EXOC4: variants seen among roughly 807,000 people sequenced by gnomAD.
EXOC4 encodes exocyst complex component 4.
EXOC4 carries 71 observed loss-of-function variants against 107.2 expected under a neutral mutation model. That is an observed-to-expected ratio of 0.66 (90% CI 0.55 to 0.81). EXOC4 has a LOEUF of 0.81. Among genes scored for constraint, EXOC4 ranks in the 30% least tolerant of loss-of-function variants. EXOC4 has a pLI of 0.00. For missense variants in EXOC4, 1,108 were observed against 1,189.6 expected (o/e 0.93, Z 1.01); for synonymous variants, 456 against 441.2 (o/e 1.03, Z -0.42).
In EXOC4 at chr7:133,522,754, AT is replaced by A. The variant is rs1483729835; in HGVS notation, c.1417+42617del. The stretch of plus-strand genomic sequence containing the variant: ...TCCCTCCAGTTGAAGAGCATTTTAA[AT>A]GCACAAAATCTGTCTCAGAAATATC... On this transcript the variant is annotated intron_variant, in intron 9 of 17. Transcript: ENST00000253861. 2.6e-5 allele frequency among the ~76,000 whole-genome samples: 4 copies of A among 152,282 alleles called. No individual in the cohort carries two copies. The East Asian group carries it at 7.7e-4, about 29-fold the overall frequency.
At chr7:133,384,794 T>C (rs575330711) in intron 7 of EXOC4, among the ~76,000 whole-genome samples, 3 of 150,580 alleles carry the variant, frequency 2.0e-5, no homozygotes, top group South Asian at 2.1e-4. Flanking sequence ...TCCTTGAGTA[T>C]AGCGATAGTT....
chr7:133,609,787 T>C (rs1187052817), intron 9 of EXOC4, among the ~76,000 whole-genome samples: 2 of 152,220 alleles, frequency 1.3e-5, no homozygotes, highest in East Asian at 1.9e-4. Context: ...CCACTGAACA[T>C]TCTGCTTTCA....
chr7:133,522,494 T>G (rs539098722), intron 9 of EXOC4, among the ~76,000 whole-genome samples: 20 of 152,272 alleles, frequency 1.3e-4, no homozygotes, highest in African/African-American at 4.8e-4. Flanking sequence ...CTTCCTCTTC[T>G]GAATAACAAA....
intron 17 of EXOC4, among the ~76,000 whole-genome samples, chr7:134,045,578 C>T (rs1002782293): frequency 6.6e-6 from 1 of 152,146 alleles, no homozygotes. Context: ...AGTCAGGGTT[C>T]CAGTTTATAG....
intron 10 of EXOC4, among the ~76,000 whole-genome samples, chr7:133,781,839 CTTATCT>C (rs892611143): frequency 1.3e-5 from 2 of 152,194 alleles, no homozygotes; most frequent in African/African-American, 4.8e-5. Flanking sequence ...AGTTGTCTAA[CTTATCT>C]TTAGTTTCAC....
At chr7:133,581,291 G>A (rs555259366) in intron 9 of EXOC4, among the ~76,000 whole-genome samples, 3 of 152,312 alleles carry the variant, frequency 2.0e-5, no homozygotes, top group African/African-American at 4.8e-5. Flanking sequence ...GTTAGGAACA[G>A]CACTTGTTTT....
rs1471324754 is a variant in EXOC4 at position 133,782,622 on chromosome 7, A to G, written c.1515-34703A>G. 3.9e-5 allele frequency among the ~76,000 whole-genome samples: 6 copies of G among 152,304 alleles called. 1 individual carries two copies. In the South Asian group the frequency reaches 8.3e-4, roughly 21 times the overall value. Reference sequence around the variant, plus strand: ...AGCCTTCTTCACATTCATTCATAGTAGGAGTGGAGCCTGGAGCAAATCACA... The same window carrying G: ...AGCCTTCTTCACATTCATTCATAGTGGGAGTGGAGCCTGGAGCAAATCACA... On this transcript the variant is annotated intron_variant, in intron 10 of 17. Transcript: ENST00000253861.
At chr7:133,613,495 C>T (rs368673619) in intron 9 of EXOC4, among the ~76,000 whole-genome samples, 1 of 151,920 alleles carries the variant, frequency 6.6e-6, no homozygotes, top group African/African-American at 2.4e-5. Flanking sequence ...TATTTTCCAT[C>T]GTGTTTAGTG....
chr7:133,632,185 A>C (rs573107668), intron 10 of EXOC4, among the ~76,000 whole-genome samples: 11 of 152,156 alleles, frequency 7.2e-5, no homozygotes, highest in Non-Finnish European at 1.5e-4. Flanking sequence ...CTACTTGTTA[A>C]GTCTTTATAA....
chr7:133,463,380 C>T (rs972617342), intron 7 of EXOC4, among the ~76,000 whole-genome samples: 12 of 152,080 alleles, frequency 7.9e-5, no homozygotes, highest in Admixed American at 6.6e-4. Context: ...TTTAGCATTT[C>T]CTAAACATCT....
intron 9 of EXOC4, among the ~76,000 whole-genome samples, chr7:133,523,162 G>A (rs1057412263): frequency 6.6e-6 from 1 of 152,116 alleles, no homozygotes; most frequent in Admixed American, 6.5e-5. Context: ...GGATATTTTA[G>A]AATAAAAGAT....
At chr7:133,260,047 G>T (rs1050518414) in intron 1 of EXOC4, among the ~76,000 whole-genome samples, 39 of 149,852 alleles carry the variant, frequency 2.6e-4, no homozygotes, top group African/African-American at 4.4e-4. Flanking sequence ...TTTTTTTTTT[G>T]TGTGTGTAAG....
intron 5 of EXOC4, among the ~76,000 whole-genome samples, chr7:133,327,942 G>A (rs1795286364): frequency 6.6e-6 from 1 of 152,118 alleles, no homozygotes; most frequent in African/African-American, 2.4e-5. Flanking sequence ...TTCTGTAGAG[G>A]TCTATTAGGT....
chr7:133,334,396 A>G (rs1048841154), intron 5 of EXOC4, among the ~76,000 whole-genome samples: 2 of 152,222 alleles, frequency 1.3e-5, no homozygotes, highest in African/African-American at 2.4e-5. Flanking sequence ...TAAGGATACT[A>G]TAGATACTCC....
chr7:133,521,302 C>A (rs558967138), intron 9 of EXOC4, among the ~76,000 whole-genome samples: 3 of 152,238 alleles, frequency 2.0e-5, no homozygotes, highest in Admixed American at 6.5e-5. Context: ...TTGTAAGTCA[C>A]TCTCCCAAAG....
At chr7:133,817,888 C>T (rs1797412592) in intron 11 of EXOC4, among the ~76,000 whole-genome samples, 1 of 152,122 alleles carries the variant, frequency 6.6e-6, no homozygotes, top group South Asian at 2.1e-4. Context: ...GAAGGATTAA[C>T]AGGAAGGAAG....
chr7:133,610,873 G>A (rs11760998), intron 9 of EXOC4, among the ~76,000 whole-genome samples: 50,132 of 149,756 alleles, frequency 0.33, 8,738 homozygotes, highest in African/African-American at 0.42. Context: ...GTGCAGTGAC[G>A]TGATTAGGGC....
At chr7:133,784,587 T>C (rs893532470) in intron 10 of EXOC4, among the ~76,000 whole-genome samples, 8 of 152,220 alleles carry the variant, frequency 5.3e-5, no homozygotes, top group African/African-American at 1.9e-4. Context: ...TTCAGATTTC[T>C]AAAGAGTCTG....
At chr7:133,858,757 A>G (rs1798472142) in intron 11 of EXOC4, among the ~76,000 whole-genome samples, 1 of 152,124 alleles carries the variant, frequency 6.6e-6, no homozygotes, top group Non-Finnish European at 1.5e-5. Flanking sequence ...CTGTACTTTT[A>G]CCCCATGGCG....
Sources: allele counts gnomAD v4.1 joint callset (sites outside exome capture counted in the v4.1 genomes callset), GRCh38; gene constraint gnomAD v4.1.1; transcripts MANE v1.5; gene names NCBI Gene and HGNC (gene_info 2026-07-23, HGNC 2026-07-21).